The following ABCG8 variants were observed in gnomAD, a reference collection of about 807,000 sequenced individuals.
ABCG8 encodes the protein ATP-binding cassette sub-family G member 8.
Under a neutral mutation model 71.3 loss-of-function variants are expected in ABCG8, and 81 were observed. The observed-to-expected ratio is 1.14, with a 90% CI of 0.95 to 1.37. The LOEUF (loss-of-function observed/expected upper bound fraction) is 1.37. ABCG8 is among the 40% of genes most tolerant of loss of function. The pLI, the probability that ABCG8 is intolerant of heterozygous loss-of-function variation, is 0.00. For synonymous variants in ABCG8, 451 were observed against 354.7 expected, an observed-to-expected ratio of 1.27 and a Z score of -3.05; for missense variants, 1,119 against 866.2, an observed-to-expected ratio of 1.29 and a Z score of -3.66.
intron 6 of ABCG8, among the ~76,000 whole-genome samples, chr2:43,857,071 C>G (rs564457534): frequency 1.3e-5 from 2 of 151,882 alleles, no homozygotes; most frequent in Non-Finnish European, 3.0e-5. Context: ...AGAATTCTCA[C>G]TATCTGCATA....
At position 43,839,403 on chromosome 2, in the gene ABCG8, C is replaced by CTTTTTTTTTTTTTTTTTTTTTTTTT. The variant is rs537784677; in HGVS notation, c.63+304_63+328dup. On this transcript the variant is annotated intron_variant, in intron 1 of 12. Transcript: ENST00000272286. ...CACTTTTTCTTTTTTCTTTTCTTCT[C>CTTTTTTTTTTTTTTTTTTTTTTTTT]TTTTTTTTTTTTTTTTTTTTTTTTT... Among the ~76,000 whole-genome samples the CTTTTTTTTTTTTTTTTTTTTTTTTT allele has an allele frequency of 5.2e-4, 31 of 59,302 alleles. 7 individuals are homozygous for CTTTTTTTTTTTTTTTTTTTTTTTTT. Among genetic ancestry groups the CTTTTTTTTTTTTTTTTTTTTTTTTT allele is most frequent in the Admixed American group, 8.6e-4 (3 of 3,494 alleles). 38.9% of individuals were successfully genotyped at this position (59,302 alleles called of 152,430 possible).
At chr2:43,852,231 G>T (rs994470167) in intron 4 of ABCG8, 123 bp from the exon 5 acceptor site, 11 of 1,356,918 alleles carry the variant, frequency 8.1e-6, no homozygotes, top group African/African-American at 1.4e-5. Flanking sequence ...TCAAGTGCTG[G>T]AGCTGTCTCC....
chr2:43,851,879 C>G, intron 4 of ABCG8, 57 bp downstream of exon 4: 1 of 1,562,592 alleles, frequency 6.4e-7, no homozygotes, highest in South Asian at 1.1e-5. Context: ...GTGTCCATGC[C>G]CCGCTCCTCC....
At chr2:43,850,766 A>G (rs1372813447) in intron 3 of ABCG8, among the ~76,000 whole-genome samples, 1 of 152,230 alleles carries the variant, frequency 6.6e-6, no homozygotes, top group Non-Finnish European at 1.5e-5. Flanking sequence ...TACAAAAATT[A>G]GCCGGGCATG....
chr2:43,872,094 G>A lies in ABCG8; in HGVS notation c.1083G>A (p.Trp361Ter), dbSNP rs137852987. The change falls in exon 7 of 13, where the codon TGG (tryptophan) becomes TGA (stop). Residue 361 changes from tryptophan to a stop codon, truncating the protein, a stop_gained. Coordinates refer to ENST00000272286, the MANE Select transcript of ABCG8 (RefSeq NM_022437.3). LOFTEE classifies it high-confidence loss of function. ...TGCGTGACTTAGATGACTTTCTATG[G>A]AAAGCAGAGACGAAGGATCTTGACG... Reference protein sequence around the residue: ...EKVRDLDDFLWKAETKDLDED... With the variant: ...EKVRDLDDFL 9.5e-4 allele frequency: 1,527 copies of A among 1,614,050 alleles called. 3 individuals carry two copies. The highest frequency in any genetic ancestry group is 1.1e-3 in the Non-Finnish European group (1,245 of 1,180,056).
At chr2:43,846,980 ACG>A (rs538780541) in intron 3 of ABCG8, 141 of 104,992 alleles carry the variant, frequency 1.3e-3, no homozygotes, top group East Asian at 4.3e-3. Flanking sequence ...ATCCTCCTGC[ACG>A]CGCGCGTGCA....
At chr2:43,859,342 C>T (rs1669224019) in intron 6 of ABCG8, among the ~76,000 whole-genome samples, 1 of 148,514 alleles carries the variant, frequency 6.7e-6, no homozygotes, top group African/African-American at 2.5e-5. Context: ...TCTGCATGCA[C>T]GGGATTCTAA....
chr2:43,854,731 G>A (rs1436240126), intron 6 of ABCG8, among the ~76,000 whole-genome samples: 1 of 152,084 alleles, frequency 6.6e-6, no homozygotes. Context: ...AAGGGAGGGT[G>A]GGCAGGCATG....
Position 43,840,743 on chromosome 2 carries a change from C to T in ABCG8, c.63+1627C>T, listed in dbSNP as rs4148203. On this transcript the variant is annotated intron_variant, in intron 1 of 12. Coordinates refer to ENST00000272286, the MANE Select transcript of ABCG8 (RefSeq NM_022437.3). ...TGCGCTGGTACGGGGGAGCCACTTCCAGCCCGAGCCACAACCTGTCCCCCT... is the reference window on the plus strand; with the variant it reads ...TGCGCTGGTACGGGGGAGCCACTTCTAGCCCGAGCCACAACCTGTCCCCCT... 1.3e-3 allele frequency among the ~76,000 whole-genome samples: 194 copies of T among 152,288 alleles called. 1 individual carries two copies. The East Asian group carries it at 0.019, about 15-fold the overall frequency.
chr2:43,846,291 T>C lies in ABCG8; in HGVS notation c.302T>C (p.Leu101Pro). ...TTCAAAGTGAGAAGTGGGCAGATGC[T>C]GGCCATCATAGGGAGCTCAGGTACC... ...LSFKVRSGQM[L>P]AIIGSSGCGR... Residue 101 changes from leucine (L) to proline (P), a missense_variant, in exon 3 of 13, where the codon CTG becomes CCG. Coordinates refer to ENST00000272286, the MANE Select transcript of ABCG8 (RefSeq NM_022437.3). 6.2e-7 allele frequency: 1 copy of C among 1,614,200 alleles called. No homozygotes were observed. The highest frequency in any genetic ancestry group is 8.5e-7 in the Non-Finnish European group (1 of 1,180,016).
At position 43,852,718 on chromosome 2, in the gene ABCG8, C is replaced by T. The variant is rs1341450090; in HGVS notation, c.814C>T (p.Pro272Ser). 6.2e-7 allele frequency: 1 copy of T among 1,614,184 alleles called. No individual in the cohort carries two copies. ...NRLVLISLHQ[P>S]RSDIFRLFDL... The stretch of plus-strand genomic sequence containing the variant: ...GCTGGTGCTCATCTCCCTCCACCAG[C>T]CTCGCTCTGACATCTTCAGGCTGTT... Residue 272 changes from proline (P) to serine (S), a missense_variant, in exon 6 of 13, where the codon CCT (proline) becomes TCT (serine). Transcript: ENST00000272286.
In ABCG8 at chr2:43,875,265, G is replaced by T; in HGVS notation, c.1608G>T (p.Trp536Cys). Residue 536 changes from tryptophan (W) to cysteine (C), a missense_variant, in exon 11 of 13, where the codon TGG (tryptophan) becomes TGT (cysteine). By Grantham distance (215) the Trp-to-Cys change is radical. Coordinates refer to ENST00000272286, the MANE Select transcript of ABCG8 (RefSeq NM_022437.3). ...TCCTGCTGCACTTCCTGCTGGTGTGGCTGGTGGTCTTCTGTTGCAGGATTA... is the reference window on the plus strand; with the variant it reads ...TCCTGCTGCACTTCCTGCTGGTGTGTCTGGTGGTCTTCTGTTGCAGGATTA... The part of the protein sequence containing the change: ...QPFLLHFLLV[W>C]LVVFCCRIMA... 1 of 1,614,210 alleles carries T rather than the reference G, an allele frequency of 6.2e-7. No homozygotes were observed. Among genetic ancestry groups the T allele is most frequent in the Non-Finnish European group, 8.5e-7 (1 of 1,180,040 alleles).
intron 3 of ABCG8, chr2:43,847,833 T>C (rs547432340): frequency 6.6e-6 from 1 of 150,620 alleles, no homozygotes; most frequent in Non-Finnish European, 1.5e-5. Flanking sequence ...TGATCTCGGC[T>C]CACTGCAACC....
At position 43,846,273 on chromosome 2, in the gene ABCG8, T is replaced by G. The variant is rs2104912533; in HGVS notation, c.284T>G (p.Val95Gly). 1 of 1,614,124 alleles carries G rather than the reference T, an allele frequency of 6.2e-7. No individual in the cohort carries two copies. The part of the protein sequence containing the change: ...ELGIQNLSFK[V>G]RSGQMLAIIG... ...GGCATCCAGAACCTAAGCTTCAAAG[T>G]GAGAAGTGGGCAGATGCTGGCCATC... The change falls in exon 3 of 13, where the codon GTG (valine) becomes GGG (glycine). Residue 95 changes from valine to glycine, a missense_variant. Physicochemically the swap from Val to Gly is moderately radical, Grantham distance 109. Transcript: ENST00000272286.
At chr2:43,849,982 C>G (rs1227113776) in intron 3 of ABCG8, among the ~76,000 whole-genome samples, 1 of 152,042 alleles carries the variant, frequency 6.6e-6, no homozygotes, top group African/African-American at 2.4e-5. Context: ...GGCGGATCAC[C>G]TGAGGTCAGG....
intron 8 of ABCG8, among the ~76,000 whole-genome samples, chr2:43,873,185 G>A (rs1390539095): frequency 2.0e-5 from 3 of 146,370 alleles, no homozygotes; most frequent in South Asian, 2.2e-4. Flanking sequence ...ATCATTGAGC[G>A]TACATTTTTT....
chr2:43,851,666 TG>T lies in ABCG8; in HGVS notation c.408del (p.Gln137SerfsTer8), dbSNP rs770023485. Reference sequence around the variant, plus strand: ...TCAAGTCAGGCCAGATCTGGATCAATGGGCAGCCCAGCTCGCCTCAGCTGGT... The same window carrying T: ...TCAAGTCAGGCCAGATCTGGATCAATGGCAGCCCAGCTCGCCTCAGCTGGT... ...KIKSGQIWIN[G>X]QPSSPQLVRK... On this transcript the variant is annotated frameshift_variant, in exon 4 of 13. Coordinates refer to ENST00000272286, the MANE Select transcript of ABCG8 (RefSeq NM_022437.3). LOFTEE classifies it high-confidence loss of function. The T allele has an allele frequency of 9.9e-6, 16 of 1,614,240 alleles. No homozygotes were observed. In the South Asian group the frequency reaches 1.8e-4, roughly 18 times the overall value.
At chr2:43,864,938 C>T (rs1407091159) in intron 6 of ABCG8, among the ~76,000 whole-genome samples, 1 of 148,098 alleles carries the variant, frequency 6.8e-6, no homozygotes, top group Non-Finnish European at 1.5e-5. Flanking sequence ...ATATAACTCT[C>T]ACTATCTATC....
chr2:43,851,319 C>G (rs1186251194), intron 3 of ABCG8, among the ~76,000 whole-genome samples: 1 of 152,272 alleles, frequency 6.6e-6, no homozygotes, highest in African/African-American at 2.4e-5. Context: ...CAGGCCACCA[C>G]TGGCTGGCCT....
Sources: allele counts gnomAD v4.1 joint callset (sites outside exome capture counted in the v4.1 genomes callset), GRCh38; gene constraint gnomAD v4.1.1; transcripts MANE v1.5; gene names NCBI Gene and HGNC (gene_info 2026-07-23, HGNC 2026-07-21).